DPYD: variants seen among roughly 807,000 people sequenced by gnomAD.
The protein encoded by DPYD is dihydropyrimidine dehydrogenase [NADP(+)].
Under a neutral mutation model 116.2 loss-of-function variants are expected in DPYD, and 109 were observed. The observed-to-expected ratio is 0.94, with a 90% CI of 0.80 to 1.10. DPYD has a LOEUF of 1.10. Ranked by LOEUF, DPYD falls within the 50% of genes least tolerant of loss-of-function variation. DPYD has a pLI of 0.00. For missense variants in DPYD, 1,302 were observed against 1,254.5 expected (o/e 1.04, Z -0.57); for synonymous variants, 440 against 432.0 (o/e 1.02, Z -0.23).
Position 97,255,579 on chromosome 1 carries a change from T to C in DPYD, c.2300-20585A>G, listed in dbSNP as rs181661498. 1.2e-4 allele frequency among the ~76,000 whole-genome samples: 19 copies of C among 152,284 alleles called. No individual in the cohort carries two copies. In the East Asian group the frequency reaches 3.7e-3, roughly 29 times the overall value. ...TTGCCTTCTGTCATGATTGTGAGGC[T>C]TCCCCAGCCATGTGGAACTGTAAGT... On this transcript the variant is annotated intron_variant, in intron 18 of 22. Coordinates refer to ENST00000370192, the MANE Select transcript of DPYD (RefSeq NM_000110.4).
rs560031419 is a variant in DPYD at position 97,416,351 on chromosome 1, T to C, written c.1905+33708A>G. The stretch of plus-strand genomic sequence containing the variant: ...GTTCATGTGGAGCTATAATTTGGGA[T>C]AGGTAAAGGAAATGTATCCAGTGAC... On this transcript the variant is annotated intron_variant, in intron 14 of 22. Transcript: ENST00000370192. Among the ~76,000 whole-genome samples the C allele has an allele frequency of 6.6e-5, 10 of 152,348 alleles. No individual in the cohort carries two copies. In the South Asian group the frequency reaches 2.1e-3, roughly 32 times the overall value.
In DPYD at chr1:97,593,383, C is replaced by T. The variant is rs1400122790; in HGVS notation, c.963G>A (p.Met321Ile). 2 of 1,614,042 alleles carry T rather than the reference C, an allele frequency of 1.2e-6. No individual in the cohort carries two copies. Among genetic ancestry groups the T allele is most frequent in the South Asian group, 2.2e-5 (2 of 91,082 alleles). Reference protein sequence around the residue: ...PLVAKGSKAGMCACHSPLPSI... With the variant: ...PLVAKGSKAGICACHSPLPSI... Reference sequence around the variant, plus strand: ...ATGGCAATGGAGAGTGACAGGCGCACATTCCTGAATGATGAAAGGAAAACC... The same window carrying T: ...ATGGCAATGGAGAGTGACAGGCGCATATTCCTGAATGATGAAAGGAAAACC... Residue 321 changes from methionine to isoleucine, a missense_variant, in exon 10 of 23, where the codon ATG becomes ATA. Met to Ile is a conservative substitution (Grantham distance 10). Coordinates refer to ENST00000370192, the MANE Select transcript of DPYD (RefSeq NM_000110.4).
intron 20 of DPYD, among the ~76,000 whole-genome samples, chr1:97,167,031 T>C (rs1161704726): frequency 2.0e-5 from 3 of 152,190 alleles, no homozygotes; most frequent in Non-Finnish European, 4.4e-5. Flanking sequence ...ATAGGAATTT[T>C]TTTTATAGCC....
chr1:97,584,927 T>C (rs1458912429), intron 10 of DPYD, among the ~76,000 whole-genome samples: 2 of 130,408 alleles, frequency 1.5e-5, no homozygotes, highest in African/African-American at 2.8e-5. Context: ...TGTGCACATG[T>C]ACCCTAAAAC....
At chr1:97,102,006 G>A (rs1285815653) in intron 20 of DPYD, among the ~76,000 whole-genome samples, 2 of 151,938 alleles carry the variant, frequency 1.3e-5, no homozygotes, top group Admixed American at 6.6e-5. Flanking sequence ...TTACATTGCC[G>A]ATAGAAAAGT....
chr1:97,639,258 T>C (rs988023180), intron 8 of DPYD, among the ~76,000 whole-genome samples: 4 of 152,162 alleles, frequency 2.6e-5, no homozygotes, highest in African/African-American at 9.7e-5. Context: ...TTATAGATGA[T>C]TGGTATATAT....
chr1:97,677,199 T>C (rs1660192679), intron 8 of DPYD, among the ~76,000 whole-genome samples: 1 of 152,212 alleles, frequency 6.6e-6, no homozygotes, highest in Admixed American at 6.5e-5. Flanking sequence ...TTTGCTTATG[T>C]AATTAATTTG....
At chr1:97,193,370 G>T in intron 19 of DPYD, 122 bp from the exon 20 acceptor site, 1 of 1,000,984 alleles carries the variant, frequency 1.0e-6, no homozygotes, top group Non-Finnish European at 1.5e-6. Flanking sequence ...AGGCATGATG[G>T]ATCAGTAGCC....
intron 14 of DPYD, among the ~76,000 whole-genome samples, chr1:97,446,856 CA>C (rs1260050523): frequency 6.6e-6 from 1 of 152,080 alleles, no homozygotes; most frequent in Non-Finnish European, 1.5e-5. Context: ...TAATAATAAG[CA>C]TTACAAAATC....
At position 97,781,836 on chromosome 1, in the gene DPYD, A is replaced by G. The variant is rs140210975; in HGVS notation, c.234-41357T>C. ...TAATGTGGTTAATCAGCACTAAATA[A>G]TATTTCAAATGCTTATAAATTTAGA... is the stretch of plus-strand genomic sequence containing the variant. On this transcript the variant is annotated intron_variant, in intron 3 of 22. Transcript: ENST00000370192. 9.1e-3 allele frequency among the ~76,000 whole-genome samples: 1,379 copies of G among 152,312 alleles called. 22 individuals are homozygous for G. Among genetic ancestry groups the G allele is most frequent in the African/African-American group, 0.032 (1,324 of 41,564 alleles).
chr1:97,509,127 G>A (rs1408740522), intron 13 of DPYD, among the ~76,000 whole-genome samples: 1 of 151,982 alleles, frequency 6.6e-6, no homozygotes, highest in Non-Finnish European at 1.5e-5. Context: ...TGAAGCAAAG[G>A]CAAGTCAACC....
intron 3 of DPYD, among the ~76,000 whole-genome samples, chr1:97,771,191 A>C (rs1666123453): frequency 6.6e-6 from 1 of 152,156 alleles, no homozygotes; most frequent in East Asian, 1.9e-4. Flanking sequence ...TTGTGGTGGC[A>C]TGCGCCAGGG....
intron 18 of DPYD, among the ~76,000 whole-genome samples, chr1:97,241,352 G>A (rs1662326872): frequency 6.6e-6 from 1 of 151,870 alleles, no homozygotes; most frequent in South Asian, 2.1e-4. Context: ...CTGAGGCAGG[G>A]GCTTCATGTA....
At chr1:97,805,271 G>C (rs1202292144) in intron 3 of DPYD, among the ~76,000 whole-genome samples, 1 of 151,798 alleles carries the variant, frequency 6.6e-6, no homozygotes, top group Non-Finnish European at 1.5e-5. Flanking sequence ...ACACAGACTT[G>C]AGAGACACTG....
intron 2 of DPYD, among the ~76,000 whole-genome samples, chr1:97,863,476 T>A (rs991435819): frequency 2.6e-5 from 4 of 151,864 alleles, no homozygotes; most frequent in Non-Finnish European, 5.9e-5. Context: ...AGGTTTACGG[T>A]CACATGATTT....
chr1:97,512,544 T>C (rs1391733216), intron 13 of DPYD, among the ~76,000 whole-genome samples: 4 of 152,014 alleles, frequency 2.6e-5, no homozygotes, highest in Non-Finnish European at 5.9e-5. Context: ...GTATATAATA[T>C]GTAGCTCTCC....
chr1:97,758,099 G>T (rs1665356695), intron 3 of DPYD, among the ~76,000 whole-genome samples: 1 of 152,032 alleles, frequency 6.6e-6, no homozygotes. Context: ...CTTGAGGGAA[G>T]ACAAATAAGA....
intron 15 of DPYD, among the ~76,000 whole-genome samples, chr1:97,381,519 C>T (rs1185442824): frequency 2.0e-5 from 3 of 152,010 alleles, no homozygotes; most frequent in Non-Finnish European, 2.9e-5. Context: ...GATCACGAGG[C>T]CAATTACTGA....
chr1:97,781,658 C>G (rs751220741), intron 3 of DPYD, among the ~76,000 whole-genome samples: 12 of 152,092 alleles, frequency 7.9e-5, no homozygotes, highest in Non-Finnish European at 1.3e-4. Flanking sequence ...CTGAGAGTAT[C>G]CATGAACACA....
Sources: gnomAD v4.1 joint callset for allele counts (sites outside exome capture counted in the v4.1 genomes callset) on GRCh38, gnomAD v4.1.1 for gene constraint, MANE v1.5 for transcripts, NCBI Gene and HGNC (gene_info 2026-07-23, HGNC 2026-07-21) for gene names.